The following FBN3 variants were observed in gnomAD, a reference collection of about 807,000 sequenced individuals.
The protein encoded by FBN3 is fibrillin 3, also known as fibrillin-3.
Under a neutral mutation model 330.1 loss-of-function variants are expected in FBN3, and 234 were observed. That is an observed-to-expected ratio of 0.71 (90% CI 0.64 to 0.79). FBN3 has a LOEUF of 0.79. FBN3 is among the 30% of genes least tolerant of loss of function. FBN3 has a pLI of 0.00. For synonymous variants in FBN3, 1,458 were observed against 1,517.3 expected (o/e 0.96, Z 0.91); for missense variants, 3,606 against 3,886.9 (o/e 0.93, Z 1.92).
rs1460639085 is a variant in FBN3 at position 8,129,778 on chromosome 19, C to T, written c.2045-413G>A. On this transcript the variant is annotated intron_variant, in intron 16 of 63. Coordinates refer to ENST00000600128, the MANE Select transcript of FBN3 (RefSeq NM_032447.5). The surrounding 1 kb of genome is among the most constrained non-coding windows in gnomAD (Gnocchi z 4.5). ...TCATAAAAATAAAAGCAATTATAGG[C>T]CAGATATGATGGCTGTCACCTATAA... 6.6e-6 allele frequency among the ~76,000 whole-genome samples: 1 copy of T among 152,090 alleles called. No homozygotes were observed. Among genetic ancestry groups the T allele is most frequent in the Non-Finnish European group, 1.5e-5 (1 of 68,026 alleles).
At chr19:8,070,222 C>A (rs1438793786) in intron 63 of FBN3, among the ~76,000 whole-genome samples, 4 of 152,144 alleles carry the variant, frequency 2.6e-5, no homozygotes, top group Non-Finnish European at 5.9e-5. Context: ...ATATAGAAAG[C>A]CTCTCAAGCC....
At chr19:8,081,667 T>A (rs1350471231) in intron 57 of FBN3, among the ~76,000 whole-genome samples, 187 bp from the exon 58 acceptor site, 1 of 152,178 alleles carries the variant, frequency 6.6e-6, no homozygotes, top group African/African-American at 2.4e-5. Context: ...CCATCTCAGA[T>A]ACAACTACTC....
In FBN3 at chr19:8,087,861, C is replaced by G; in HGVS notation, c.6583G>C (p.Gly2195Arg). The change falls in exon 53 of 64, where the codon GGC (glycine) becomes CGC (arginine). Residue 2195 changes from glycine to arginine, a missense_variant. Physicochemically the swap from Gly to Arg is moderately radical, Grantham distance 125 (BLOSUM62 -2). Transcript: ENST00000600128. ...GCCCCATCCTCCCGCAGGGTGTAGC[C>G]GGCTGGACAGGTGCACAGGTAGGAG... is the stretch of plus-strand genomic sequence containing the variant. Reference protein sequence around the residue: ...EGSYLCTCPAGYTLREDGAMC... With the variant: ...EGSYLCTCPARYTLREDGAMC... 1 of 1,614,102 alleles carries G rather than the reference C, an allele frequency of 6.2e-7. No homozygotes were observed. The highest frequency in any genetic ancestry group is 1.1e-5 in the South Asian group (1 of 91,082).
chr19:8,106,262 G>C (rs754055093), intron 37 of FBN3, 29 bp from the exon 38 acceptor site: 1 of 1,613,808 alleles, frequency 6.2e-7, no homozygotes, highest in African/African-American at 1.3e-5. Flanking sequence ...GCCAAGCTTG[G>C]GAGCTAAACC....
At chr19:8,073,868 TG>T (rs1176276945) in intron 61 of FBN3, among the ~76,000 whole-genome samples, 1 of 152,054 alleles carries the variant, frequency 6.6e-6, no homozygotes, top group Non-Finnish European at 1.5e-5. Flanking sequence ...TTTGTAGAGA[TG>T]GGGGGTCTTG....
intron 30 of FBN3, 39 bp from the exon 31 acceptor site, chr19:8,112,138 A>C (rs775587741): frequency 6.2e-7 from 1 of 1,601,216 alleles, no homozygotes. Flanking sequence ...ACCCAGTCAC[A>C]GAAGGAAAGA....
intron 38 of FBN3, among the ~76,000 whole-genome samples, chr19:8,104,165 GAAA>G (rs34779277): frequency 4.4e-4 from 53 of 121,192 alleles, no homozygotes; most frequent in East Asian, 2.7e-3. Flanking sequence ...GACATTAAGT[GAAA>G]AAAAAAAAAA....
At chr19:8,119,894 C>G (rs2082800587) in intron 25 of FBN3, among the ~76,000 whole-genome samples, 1 of 148,616 alleles carries the variant, frequency 6.7e-6, no homozygotes, top group Non-Finnish European at 1.5e-5. Context: ...GATCACAGCT[C>G]CCTGCAGCCT....
intron 8 of FBN3, among the ~76,000 whole-genome samples, chr19:8,139,444 G>A (rs373675447): frequency 1.3e-5 from 2 of 152,158 alleles, no homozygotes; most frequent in East Asian, 1.9e-4. Flanking sequence ...TCGCACAGAG[G>A]TAGTGAGCTC....
chr19:8,085,510 T>C lies in FBN3; in HGVS notation c.6940A>G (p.Ser2314Gly), dbSNP rs1395969109. Residue 2314 changes from serine (S) to glycine (G), a missense_variant, in exon 56 of 64, where the codon AGC becomes GGC. Transcript: ENST00000600128. ...GCCCTGGTGACAGCCTCACTGCTGC[T>C]GGACAGAGACCGGCACATGGTCTGC... ...VLQTMCRSLSSSSEAVTRAEC... is the reference protein window; with the variant it reads ...VLQTMCRSLSGSSEAVTRAEC... 1.3e-6 allele frequency: 2 copies of C among 1,595,026 alleles called. No homozygotes were observed. The highest frequency in any genetic ancestry group is 1.7e-6 in the Non-Finnish European group (2 of 1,171,500).
intron 5 of FBN3, 84 bp from the exon 6 acceptor site, chr19:8,145,056 A>G: frequency 8.4e-7 from 1 of 1,187,444 alleles, no homozygotes; most frequent in Middle Eastern, 2.7e-4. Flanking sequence ...TTCACCCAGG[A>G]ATCCCCAGGA....
At chr19:8,081,779 C>CAGACTTGACCCTCGGGCT (rs1438924638) in intron 57 of FBN3, among the ~76,000 whole-genome samples, 16 of 152,124 alleles carry the variant, frequency 1.1e-4, no homozygotes, top group Admixed American at 7.9e-4. Flanking sequence ...AATGGAGGGC[C>CAGACTTGACCCTCGGGCT]AGACTTGACC....
intron 37 of FBN3, among the ~76,000 whole-genome samples, chr19:8,107,835 A>C (rs1251573979): frequency 6.7e-6 from 1 of 148,732 alleles, no homozygotes; most frequent in Non-Finnish European, 1.5e-5. Flanking sequence ...TAGATGGATG[A>C]ATGGCTGGAT....
At chr19:8,117,824 C>T (rs535969401) in intron 26 of FBN3, among the ~76,000 whole-genome samples, 1 of 152,186 alleles carries the variant, frequency 6.6e-6, no homozygotes, top group East Asian at 1.9e-4. Context: ...GACTCACAAA[C>T]ACACCCTGGC....
Position 8,136,491 on chromosome 19 carries a change from G to C in FBN3, c.1242C>G (p.His414Gln), listed in dbSNP as rs776915980. ...GGCCATTCAGACACAGGTTGGTGAAGTGTCGGCAGATGTCAATGGTCTGGT... is the reference window on the plus strand; with the variant it reads ...GGCCATTCAGACACAGGTTGGTGAACTGTCGGCAGATGTCAATGGTCTGGT... ...TLNQTIDICRHFTNLCLNGRC... is the reference protein window; with the variant it reads ...TLNQTIDICRQFTNLCLNGRC... The change falls in exon 11 of 64, where the codon CAC becomes CAG. Residue 414 changes from histidine (H) to glutamine (Q), a missense_variant. His to Gln is a conservative substitution (Grantham distance 24). Coordinates refer to ENST00000600128, the MANE Select transcript of FBN3 (RefSeq NM_032447.5). 4 of 1,614,184 alleles carry C rather than the reference G, an allele frequency of 2.5e-6. No homozygotes were observed. In the South Asian group the frequency reaches 4.4e-5, roughly 18 times the overall value.
Position 8,065,813 on chromosome 19 carries a change from A to T in FBN3, c.*106T>A, listed in dbSNP as rs1277403170. ...GTCGTGTAGCATTTCACTCTTCCTG[A>T]GTTTCGGGGTTCAATCTGGTCAGCC... On this transcript the variant is annotated 3_prime_UTR_variant, in exon 64 of 64. Coordinates refer to ENST00000600128, the MANE Select transcript of FBN3 (RefSeq NM_032447.5). The T allele has an allele frequency of 3.1e-6, 3 of 953,196 alleles. No individual in the cohort carries two copies. Among genetic ancestry groups the T allele is most frequent in the Non-Finnish European group, 4.7e-6 (3 of 641,796 alleles). The allele number at this position is 953,196 out of a possible 1,614,324, so 59.0% of individuals were successfully genotyped here. A position where few individuals can be genotyped will look rare whatever the true frequency, so the allele number is the denominator to read the frequency against.
Position 8,131,669 on chromosome 19 carries a change from C to G in FBN3, c.1875G>C (p.Glu625Asp). The change falls in exon 15 of 64, where the codon GAG becomes GAC. Residue 625 changes from glutamate to aspartate, a missense_variant. Coordinates refer to ENST00000600128, the MANE Select transcript of FBN3 (RefSeq NM_032447.5). The surrounding 1 kb of genome is among the most constrained non-coding windows in gnomAD (Gnocchi z 4.5). ...GGAAGGGGCGGGCACAGGAGCCCTTCTCGATGGCCCCATAGCAGGTGCTGC... is the reference window on the plus strand; with the variant it reads ...GGAAGGGGCGGGCACAGGAGCCCTTGTCGATGGCCCCATAGCAGGTGCTGC... ...HVRSTCYGAIEKGSCARPFPG... is the reference protein window; with the variant it reads ...HVRSTCYGAIDKGSCARPFPG... 6.2e-7 allele frequency: 1 copy of G among 1,614,226 alleles called. No homozygotes were observed. The highest frequency in any genetic ancestry group is 8.5e-7 in the Non-Finnish European group (1 of 1,180,036).
rs111878705 is a variant in FBN3 at position 8,136,464 on chromosome 19, G to C, written c.1269C>G (p.Arg423=). Residue 423 remains arginine (R), a synonymous_variant, in exon 11 of 64, where the codon CGC becomes CGG. Transcript: ENST00000600128. ...RHFTNLCLNG[R]CLPTPSSYRC... is the part of the protein sequence containing the mutation. Reference sequence around the variant, plus strand: ...GGTAGCTGGAAGGCGTGGGCAGGCAGCGGCCATTCAGACACAGGTTGGTGA... The same window carrying C: ...GGTAGCTGGAAGGCGTGGGCAGGCACCGGCCATTCAGACACAGGTTGGTGA... 1.2e-6 allele frequency: 2 copies of C among 1,614,206 alleles called. No individual in the cohort carries two copies.
chr19:8,109,602 C>A lies in FBN3; in HGVS notation c.4456+29G>T. The A allele has an allele frequency of 6.3e-7, 1 of 1,579,180 alleles. No homozygotes were observed. Among genetic ancestry groups the A allele is most frequent in the Non-Finnish European group, 8.6e-7 (1 of 1,161,290 alleles). Reference sequence around the variant, plus strand: ...CCACCCACCTCTGCTGACCCCAGAACCCTGATCTGGAGTTGAGCATGGACT... The same window carrying A: ...CCACCCACCTCTGCTGACCCCAGAAACCTGATCTGGAGTTGAGCATGGACT... On this transcript the variant is annotated intron_variant, in intron 35 of 63. Coordinates refer to ENST00000600128, the MANE Select transcript of FBN3 (RefSeq NM_032447.5). The surrounding 1 kb of genome is among the most constrained non-coding windows in gnomAD (Gnocchi z 5.2).
Sources: gnomAD v4.1 joint callset for allele counts (sites outside exome capture counted in the v4.1 genomes callset) on GRCh38, gnomAD v4.1.1 for gene constraint, Gnocchi (gnomAD v3.1) non-coding constraint, MANE v1.5 for transcripts, NCBI Gene and HGNC (gene_info 2026-07-23, HGNC 2026-07-21) for gene names.